Variants in PTPRT observed in about 807,000 individuals in gnomAD.
PTPRT encodes the protein receptor-type tyrosine-protein phosphatase T.
A neutral mutation model predicts 176.8 loss-of-function variants in PTPRT; 56 were observed. The ratio of observed to expected loss-of-function variants is 0.32; its 90% CI spans 0.26 to 0.40. The LOEUF (loss-of-function observed/expected upper bound fraction) is 0.40. Ranked by LOEUF, PTPRT falls within the 10% of genes least tolerant of loss-of-function variation. The pLI is 1.00. For missense variants in PTPRT, 1,540 were observed against 1,908.2 expected (o/e 0.81, Z 3.60); for synonymous variants, 783 against 739.0 (o/e 1.06, Z -0.96).
At chr20:42,646,300 T>G (rs2074898160) in intron 7 of PTPRT, among the ~76,000 whole-genome samples, 1 of 152,234 alleles carries the variant, frequency 6.6e-6, no homozygotes, top group South Asian at 2.1e-4. Flanking sequence ...CAGTGTGCTT[T>G]ATGGACCATG....
chr20:42,743,305 G>A (rs1021002596), intron 6 of PTPRT, among the ~76,000 whole-genome samples: 1 of 152,170 alleles, frequency 6.6e-6, no homozygotes, highest in South Asian at 2.1e-4. Flanking sequence ...AAAGAGAAGA[G>A]GCCAAATCCT....
intron 8 of PTPRT, among the ~76,000 whole-genome samples, chr20:42,468,226 T>C (rs1378370123): frequency 1.3e-5 from 2 of 152,172 alleles, no homozygotes; most frequent in African/African-American, 4.8e-5. Flanking sequence ...GCAGCATGAA[T>C]TCAGCCATTC....
At chr20:43,041,277 A>C (rs1187171155) in intron 1 of PTPRT, among the ~76,000 whole-genome samples, 1 of 152,186 alleles carries the variant, frequency 6.6e-6, no homozygotes, top group African/African-American at 2.4e-5. Flanking sequence ...AGTACTTTTT[A>C]ATGTATTGCT....
At chr20:42,938,570 T>C in intron 1 of PTPRT, among the ~76,000 whole-genome samples, 1 of 152,292 alleles carries the variant, frequency 6.6e-6, no homozygotes, top group South Asian at 2.1e-4. Context: ...AGTTCCTGCC[T>C]CTCTGCATTT....
At chr20:42,200,212 T>C (rs1366814639) in intron 15 of PTPRT, among the ~76,000 whole-genome samples, 5 of 152,172 alleles carry the variant, frequency 3.3e-5, no homozygotes, top group Non-Finnish European at 7.3e-5. Flanking sequence ...CTCAGGTTCA[T>C]AGCTTACCTC....
intron 1 of PTPRT, among the ~76,000 whole-genome samples, chr20:43,166,131 C>T (rs940294652): frequency 6.6e-6 from 1 of 152,080 alleles, no homozygotes; most frequent in Non-Finnish European, 1.5e-5. Context: ...TCGAGACCAT[C>T]GTGGCCAACA....
intron 1 of PTPRT, among the ~76,000 whole-genome samples, chr20:42,902,345 C>T (rs2079417013): frequency 6.6e-6 from 1 of 152,094 alleles, no homozygotes; most frequent in South Asian, 2.1e-4. Context: ...GTCACATGGT[C>T]CACACATGGC....
intron 1 of PTPRT, among the ~76,000 whole-genome samples, chr20:42,998,660 A>G (rs1354975840): frequency 6.6e-6 from 1 of 152,240 alleles, no homozygotes; most frequent in Non-Finnish European, 1.5e-5. Flanking sequence ...TCTCTGCAGT[A>G]TATGGAATTA....
At chr20:42,148,971 T>C (rs1368499754) in intron 17 of PTPRT, among the ~76,000 whole-genome samples, 1 of 152,142 alleles carries the variant, frequency 6.6e-6, no homozygotes, top group South Asian at 2.1e-4. Context: ...AGGGCCTCTT[T>C]CAAATCAGCA....
intron 1 of PTPRT, among the ~76,000 whole-genome samples, chr20:43,147,147 G>A (rs2014193756): frequency 6.6e-6 from 1 of 152,022 alleles, no homozygotes; most frequent in Admixed American, 6.6e-5. Flanking sequence ...CCTACTCGAG[G>A]GGCATCAGCT....
intron 1 of PTPRT, among the ~76,000 whole-genome samples, chr20:43,177,981 C>G (rs927840725): frequency 1.2e-4 from 19 of 152,188 alleles, no homozygotes; most frequent in African/African-American, 4.6e-4. Flanking sequence ...ACTTAAAGAA[C>G]TTCATTGAGA....
downstream of PTPRT, among the ~76,000 whole-genome samples, chr20:42,068,487 TTCTC>T (rs1484336212): frequency 6.6e-6 from 1 of 152,192 alleles, no homozygotes; most frequent in African/African-American, 2.4e-5. Flanking sequence ...TTCTTCAAGA[TTCTC>T]TCTGCTGTTT....
chr20:42,352,822 C>T (rs776266354), intron 9 of PTPRT, among the ~76,000 whole-genome samples: 11 of 152,012 alleles, frequency 7.2e-5, no homozygotes, highest in Non-Finnish European at 1.5e-4. Flanking sequence ...CAAAATACCT[C>T]GTGTAACCCA....
At chr20:42,068,040 T>C (rs1486027204), downstream of PTPRT, among the ~76,000 whole-genome samples, 1 of 152,190 alleles carries the variant, frequency 6.6e-6, no homozygotes, top group Non-Finnish European at 1.5e-5. Context: ...AAAAGTCGCA[T>C]GAAATACACT....
chr20:42,719,245 C>T (rs920344769), intron 6 of PTPRT, among the ~76,000 whole-genome samples: 2 of 152,112 alleles, frequency 1.3e-5, no homozygotes, highest in African/African-American at 2.4e-5. Context: ...ATCAGCCTCC[C>T]TGGTCATAAT....
At chr20:43,092,981 T>C (rs2011949189) in intron 1 of PTPRT, among the ~76,000 whole-genome samples, 1 of 152,168 alleles carries the variant, frequency 6.6e-6, no homozygotes, top group Admixed American at 6.5e-5. Flanking sequence ...ACATATACAA[T>C]GATTACACTG....
chr20:42,589,733 C>G (rs944388999), intron 7 of PTPRT, among the ~76,000 whole-genome samples: 2 of 152,178 alleles, frequency 1.3e-5, no homozygotes. Flanking sequence ...AGGATGCACA[C>G]TCACTCCAGC....
At chr20:43,052,749 C>A (rs1255875266) in intron 1 of PTPRT, among the ~76,000 whole-genome samples, 1 of 152,184 alleles carries the variant, frequency 6.6e-6, no homozygotes, top group African/African-American at 2.4e-5. Flanking sequence ...AGAGCATTTT[C>A]ATCACCACAA....
At chr20:42,541,244 A>G (rs2072573440) in intron 7 of PTPRT, among the ~76,000 whole-genome samples, 1 of 152,210 alleles carries the variant, frequency 6.6e-6, no homozygotes, top group Admixed American at 6.5e-5. Flanking sequence ...GTGAAAAATG[A>G]ACAACCAACA....
Sources: gnomAD v4.1 joint callset for allele counts (sites outside exome capture counted in the v4.1 genomes callset) on GRCh38, gnomAD v4.1.1 for gene constraint, MANE v1.5 for transcripts, NCBI Gene and HGNC (gene_info 2026-07-23, HGNC 2026-07-21) for gene names.